The following SLC6A16 variants were observed in gnomAD, a reference collection of about 807,000 sequenced individuals.
SLC6A16 encodes the protein orphan sodium- and chloride-dependent neurotransmitter transporter NTT5.
In SLC6A16, 54 loss-of-function variants were observed where a neutral mutation model predicts 65.4. That is an observed-to-expected ratio of 0.83 (90% CI 0.66 to 1.04). The LOEUF (loss-of-function observed/expected upper bound fraction) is 1.04. Among genes scored for constraint, SLC6A16 ranks in the 50% least tolerant of loss-of-function variants. The pLI is 0.00. For synonymous variants in SLC6A16, 330 were observed against 346.5 expected, an observed-to-expected ratio of 0.95 and a Z score of 0.53; for missense variants, 816 against 914.0, an observed-to-expected ratio of 0.89 and a Z score of 1.38.
At chr19:49,325,670 T>A (rs1226078557), upstream of SLC6A16, among the ~76,000 whole-genome samples, 1 of 152,150 alleles carries the variant, frequency 6.6e-6, no homozygotes, top group Non-Finnish European at 1.5e-5. Flanking sequence ...TTTACTTAGG[T>A]CATCCGTTCT....
At chr19:49,293,173 C>A (rs1970110211) in intron 10 of SLC6A16, 50 bp downstream of exon 10, 1 of 1,587,364 alleles carries the variant, frequency 6.3e-7, no homozygotes, top group South Asian at 1.1e-5. Flanking sequence ...AAAGGGGTCA[C>A]CCTTCCCTAT....
intron 7 of SLC6A16, among the ~76,000 whole-genome samples, chr19:49,302,438 ACCCACCACACGCACC>A (rs944145292): frequency 2.6e-5 from 4 of 152,008 alleles, no homozygotes; most frequent in African/African-American, 4.8e-5. Flanking sequence ...TCCAACCTGG[ACCCACCACACGCACC>A]CCCACCCACA....
chr19:49,330,016 G>A (rs1382893331), upstream of SLC6A16, among the ~76,000 whole-genome samples: 1 of 152,058 alleles, frequency 6.6e-6, no homozygotes, highest in Non-Finnish European at 1.5e-5. Flanking sequence ...CTACTCAGGA[G>A]GCTGAGTGGG....
chr19:49,290,146 A>C lies in SLC6A16; in HGVS notation c.2188T>G (p.Ser730Ala), dbSNP rs1284433570. The change falls in exon 12 of 12, where the codon TCA (serine) becomes GCA (alanine). Residue 730 changes from serine to alanine, a missense_variant. Coordinates refer to ENST00000335875, the MANE Select transcript of SLC6A16 (RefSeq NM_014037.3). ...ILQVDETKYP[S>A]TCNVTS ...AGTTAGGAAGTCACATTACAAGTTG[A>C]TGGGTACTTTGTTTCATCAACTTGT... The C allele has an allele frequency of 6.2e-7, 1 of 1,613,948 alleles. No homozygotes were observed. The highest frequency in any genetic ancestry group is 8.5e-7 in the Non-Finnish European group (1 of 1,179,994).
chr19:49,339,729 G>A, the SLC6A16 span: 2 of 1,398,522 alleles, frequency 1.4e-6, no homozygotes, highest in Non-Finnish European at 1.8e-6. This position sits in a 1 kb window ranked among gnomAD's most constrained non-coding sequence, Gnocchi z 4.5. Context: ...CGCACGTGCC[G>A]GGCGCTGGGG....
At chr19:49,309,949 C>T in intron 4 of SLC6A16, 91 bp downstream of exon 4, 2 of 1,516,120 alleles carry the variant, frequency 1.3e-6, no homozygotes, top group East Asian at 2.3e-5. Context: ...CTTCCTCTTC[C>T]TTGTCCCTCC....
At chr19:49,309,519 G>T in intron 5 of SLC6A16, 108 bp from the exon 6 acceptor site, 1 of 1,260,408 alleles carries the variant, frequency 7.9e-7, no homozygotes, top group Non-Finnish European at 1.1e-6. Context: ...TTAGAAGAAA[G>T]CCTTCAGCAA....
intron 7 of SLC6A16, among the ~76,000 whole-genome samples, chr19:49,296,012 T>A (rs1039547321): frequency 1.3e-5 from 2 of 152,186 alleles, no homozygotes; most frequent in African/African-American, 4.8e-5. Context: ...TTTTTTGAGA[T>A]GGAGCCTCGC....
At position 49,309,126 on chromosome 19, in the gene SLC6A16, GA is replaced by G; in HGVS notation, c.988-10del. The G allele has an allele frequency of 6.2e-7, 1 of 1,613,736 alleles. No individual in the cohort carries two copies. The highest frequency in any genetic ancestry group is 8.5e-7 in the Non-Finnish European group (1 of 1,179,714). On this transcript the variant is annotated splice_polypyrimidine_tract_variant and intron_variant, in intron 6 of 11. Coordinates refer to ENST00000335875, the MANE Select transcript of SLC6A16 (RefSeq NM_014037.3). ...TTGTACACATCCGATATCTAAAAGA[GA>G]GAAGACAAGCATAAGGGGGTTGTAA...
intron 9 of SLC6A16, among the ~76,000 whole-genome samples, 177 bp downstream of exon 9, chr19:49,293,650 A>C (rs892635279): frequency 6.6e-6 from 1 of 152,112 alleles, no homozygotes; most frequent in Non-Finnish European, 1.5e-5. Context: ...TATGGTCCCA[A>C]CTACTGGGGA....
the SLC6A16 span, chr19:49,339,971 A>C: frequency 7.1e-7 from 1 of 1,418,234 alleles, no homozygotes; most frequent in Non-Finnish European, 9.2e-7. This position sits in a 1 kb window ranked among gnomAD's most constrained non-coding sequence, Gnocchi z 4.5. Flanking sequence ...GCTGAGGCAG[A>C]GGGGGAAGAC....
Position 49,290,078 on chromosome 19 carries a change from G to C in SLC6A16, c.*45C>G, listed in dbSNP as rs1331520939. ...AAGCTGATATTAAGAGTTGTCTATTGGATCTGTTCTAAGGGATATGTTATG... is the reference window on the plus strand; with the variant it reads ...AAGCTGATATTAAGAGTTGTCTATTCGATCTGTTCTAAGGGATATGTTATG... On this transcript the variant is annotated 3_prime_UTR_variant, in exon 12 of 12. Coordinates refer to ENST00000335875, the MANE Select transcript of SLC6A16 (RefSeq NM_014037.3). 6.4e-7 allele frequency: 1 copy of C among 1,568,866 alleles called. No individual in the cohort carries two copies. The highest frequency in any genetic ancestry group is 1.2e-5 in the South Asian group (1 of 86,234).
chr19:49,324,151 G>A lies in SLC6A16; in HGVS notation c.-65+897C>T, dbSNP rs532533890. On this transcript the variant is annotated intron_variant, in intron 1 of 11. Coordinates refer to ENST00000335875, the MANE Select transcript of SLC6A16 (RefSeq NM_014037.3). ...TCGAGACCAGCCAGGCCAACACAGT[G>A]AAACCCCGTTTCTACTAAAAATACA... is the stretch of plus-strand genomic sequence containing the variant. 9.2e-5 allele frequency among the ~76,000 whole-genome samples: 14 copies of A among 152,206 alleles called. No homozygotes were observed. The South Asian group carries it at 1.9e-3, about 20-fold the overall frequency.
chr19:49,311,204 C>G lies in SLC6A16; in HGVS notation c.144G>C (p.Glu48Asp), dbSNP rs754894079. 1 of 1,614,158 alleles carries G rather than the reference C, an allele frequency of 6.2e-7. No individual in the cohort carries two copies. The highest frequency in any genetic ancestry group is 8.5e-7 in the Non-Finnish European group (1 of 1,180,030). The change falls in exon 2 of 12, where the codon GAG (glutamate) becomes GAC (aspartate). Residue 48 changes from glutamate to aspartate, a missense_variant. By Grantham distance (45) the Glu-to-Asp change is conservative (BLOSUM62 2). Transcript: ENST00000335875. Reference protein sequence around the residue: ...LTRSATSWTSEAQVSAARVAE... With the variant: ...LTRSATSWTSDAQVSAARVAE... ...CAACCCGGGCTGCTGAAACTTGGGC[C>G]TCTGAGGTCCAAGATGTTGCAGACC...
chr19:49,335,984 G>C, the SLC6A16 span: 3 of 605,744 alleles, frequency 5.0e-6, no homozygotes, highest in Non-Finnish European at 8.8e-6. The surrounding 1 kb of genome is among the most constrained non-coding windows in gnomAD (Gnocchi z 4.6). Context: ...CAATGATCAT[G>C]AGAGCCATTT....
rs534301754 is a variant in SLC6A16, at chr19:49,295,197, T to C, written c.1230-644A>G. On this transcript the variant is annotated intron_variant, in intron 7 of 11. Coordinates refer to ENST00000335875, the MANE Select transcript of SLC6A16 (RefSeq NM_014037.3). Reference sequence around the variant, plus strand: ...TTGATCGAGACCATCCTGGCCAACATGGTGAAACCCCGTCTCTACTAAAAA... The same window carrying C: ...TTGATCGAGACCATCCTGGCCAACACGGTGAAACCCCGTCTCTACTAAAAA... 1.6e-3 allele frequency among the ~76,000 whole-genome samples: 249 copies of C among 152,084 alleles called. 2 individuals are homozygous for C. Among genetic ancestry groups the C allele is most frequent in the Non-Finnish European group, 2.8e-3 (191 of 67,976 alleles).
At chr19:49,334,500 G>A in the SLC6A16 span, among the ~76,000 whole-genome samples, 8 of 151,076 alleles carry the variant, frequency 5.3e-5, no homozygotes, top group Non-Finnish European at 2.9e-5. Context: ...AAAGAGAGAT[G>A]AAGAGAGAAA....
the SLC6A16 span, chr19:49,337,302 C>G: frequency 1.7e-5 from 23 of 1,368,666 alleles, no homozygotes; most frequent in South Asian, 9.3e-5. Context: ...GGAGAGAGAC[C>G]GAAACAAGGG....
At chr19:49,306,846 T>C (rs1328967501) in intron 7 of SLC6A16, among the ~76,000 whole-genome samples, 1 of 152,008 alleles carries the variant, frequency 6.6e-6, no homozygotes, top group Non-Finnish European at 1.5e-5. Context: ...CCGGCTTGTT[T>C]TTCTTTACAT....
Sources: allele counts gnomAD v4.1 joint callset (sites outside exome capture counted in the v4.1 genomes callset), GRCh38; gene constraint gnomAD v4.1.1; non-coding constraint Gnocchi (gnomAD v3.1); transcripts MANE v1.5; gene names NCBI Gene and HGNC (gene_info 2026-07-23, HGNC 2026-07-21).